CDH18: variants seen among roughly 807,000 people sequenced by gnomAD.
CDH18 encodes the protein cadherin 18.
CDH18 carries 31 observed loss-of-function variants against 67.9 expected under a neutral mutation model. The ratio of observed to expected loss-of-function variants is 0.46; its 90% CI spans 0.34 to 0.62. CDH18 has a LOEUF of 0.62. Ranked by LOEUF, CDH18 falls within the 20% of genes least tolerant of loss-of-function variation. CDH18 has a pLI of 0.01. For synonymous variants in CDH18, 362 were observed against 347.2 expected, an observed-to-expected ratio of 1.04 and a Z score of -0.48; for missense variants, 890 against 975.5, an observed-to-expected ratio of 0.91 and a Z score of 1.17.
chr5:20,039,288 C>T (rs1274431801), intron 2 of CDH18, among the ~76,000 whole-genome samples: 1 of 152,044 alleles, frequency 6.6e-6, no homozygotes, highest in Non-Finnish European at 1.5e-5. Flanking sequence ...TTTGTAGATA[C>T]AATGCTATCC....
intron 2 of CDH18, among the ~76,000 whole-genome samples, chr5:20,161,259 C>T (rs1226650911): frequency 6.6e-6 from 1 of 152,218 alleles, no homozygotes; most frequent in East Asian, 1.9e-4. Context: ...GATGCCAACA[C>T]AGTCAACTTG....
intron 2 of CDH18, among the ~76,000 whole-genome samples, chr5:19,963,878 G>T (rs116422394): frequency 0.01 from 1,580 of 152,112 alleles, 30 homozygotes; most frequent in African/African-American, 0.036. Flanking sequence ...AAGGTGGCCA[G>T]ATCAAAAGAG....
intron 2 of CDH18, among the ~76,000 whole-genome samples, chr5:20,192,168 T>C (rs1738594857): frequency 6.6e-6 from 1 of 152,058 alleles, no homozygotes; most frequent in African/African-American, 2.4e-5. Flanking sequence ...TTTTGAGAAG[T>C]GTTTGTTCAT....
chr5:19,979,702 A>G (rs1404678283), intron 2 of CDH18, among the ~76,000 whole-genome samples: 2 of 152,214 alleles, frequency 1.3e-5, no homozygotes, highest in Non-Finnish European at 2.9e-5. Flanking sequence ...GAAGATAAAA[A>G]TACGTTGACT....
At chr5:19,673,691 T>G (rs1023093902) in intron 5 of CDH18, among the ~76,000 whole-genome samples, 2 of 152,096 alleles carry the variant, frequency 1.3e-5, no homozygotes, top group African/African-American at 4.8e-5. Context: ...TTCAAAAGCA[T>G]ATCATATTTT....
intron 2 of CDH18, among the ~76,000 whole-genome samples, chr5:19,965,410 T>A (rs1443304591): frequency 5.3e-5 from 8 of 152,190 alleles, no homozygotes; most frequent in Admixed American, 5.2e-4. Context: ...CTTTGCTGTA[T>A]TCAATGTTTT....
chr5:19,546,470 G>A (rs1736330482), intron 8 of CDH18, among the ~76,000 whole-genome samples: 1 of 152,130 alleles, frequency 6.6e-6, no homozygotes, highest in South Asian at 2.1e-4. Flanking sequence ...ATTGGATTCC[G>A]GGGAACAGAT....
chr5:20,557,039 AG>A (rs892358745), intron 1 of CDH18, among the ~76,000 whole-genome samples: 17 of 152,160 alleles, frequency 1.1e-4, no homozygotes, highest in Non-Finnish European at 5.9e-5. Flanking sequence ...GTTCTTGGAA[AG>A]TCTCAAATTA....
At chr5:20,542,386 A>G (rs1183637639) in intron 1 of CDH18, among the ~76,000 whole-genome samples, 1 of 151,470 alleles carries the variant, frequency 6.6e-6, no homozygotes, top group Non-Finnish European at 1.5e-5. Context: ...CATCCCCATC[A>G]TGGTCTTGTG....
intron 10 of CDH18, among the ~76,000 whole-genome samples, chr5:19,513,459 A>T (rs1745438731): frequency 1.3e-5 from 2 of 151,752 alleles, no homozygotes; most frequent in Admixed American, 1.3e-4. Flanking sequence ...CATTTGTTCT[A>T]TTTCTCTCTT....
chr5:19,582,942 G>A (rs1353246234), intron 7 of CDH18, among the ~76,000 whole-genome samples: 1 of 151,872 alleles, frequency 6.6e-6, no homozygotes, highest in African/African-American at 2.4e-5. Context: ...TAGTATGGTT[G>A]TAGCGGAACA....
chr5:20,429,257 A>T (rs1748558002), intron 1 of CDH18, among the ~76,000 whole-genome samples: 1 of 152,118 alleles, frequency 6.6e-6, no homozygotes, highest in South Asian at 2.1e-4. Context: ...ATTCAACTGA[A>T]GGAGATGGGG....
intron 1 of CDH18, among the ~76,000 whole-genome samples, chr5:20,271,784 C>A (rs115945315): frequency 0.014 from 2,122 of 152,098 alleles, 59 homozygotes; most frequent in African/African-American, 0.049. Context: ...AAATAAATTT[C>A]TGTTGTGTAA....
rs770884880 is a variant in CDH18 at position 19,544,023 on chromosome 5, A to C, written c.1254-18T>G. 6.9e-7 allele frequency: 1 copy of C among 1,458,846 alleles called. No homozygotes were observed. The highest frequency in any genetic ancestry group is 9.3e-7 in the Non-Finnish European group (1 of 1,070,344). 90.4% of individuals were successfully genotyped at this position (1,458,846 alleles called of 1,614,324 possible). The stretch of plus-strand genomic sequence containing the variant: ...TGAAGTATCTAGAGAAAAAAAGAGA[A>C]GTTTTTACTTGATGTTATAATGAAG... On this transcript the variant is annotated intron_variant, in intron 8 of 12. Coordinates refer to ENST00000382275, the MANE Select transcript of CDH18 (RefSeq NM_004934.5).
At chr5:20,326,990 C>T (rs1366209971) in intron 1 of CDH18, among the ~76,000 whole-genome samples, 1 of 152,152 alleles carries the variant, frequency 6.6e-6, no homozygotes, top group Non-Finnish European at 1.5e-5. Context: ...TGTTAAAACA[C>T]ACTGTGTTAA....
At chr5:20,231,163 A>G (rs550268421) in intron 2 of CDH18, among the ~76,000 whole-genome samples, 10 of 152,352 alleles carry the variant, frequency 6.6e-5, no homozygotes, top group African/African-American at 1.7e-4. Context: ...TCAAAATTGT[A>G]TAAGTGATAA....
chr5:20,561,977 A>G (rs570277824), intron 1 of CDH18, among the ~76,000 whole-genome samples: 5 of 152,056 alleles, frequency 3.3e-5, no homozygotes, highest in East Asian at 1.9e-4. Flanking sequence ...GCTGCCTCAC[A>G]AGTTCCAAAT....
At position 19,845,712 on chromosome 5, in the gene CDH18, TG is replaced by T. The variant is rs528864859; in HGVS notation, c.-256-6471del. ...TGTTGGGTGCATATATATTTATAATTGTTTTTTTTCTGCTGAGTTAATACAT... is the reference window on the plus strand; with the variant it reads ...TGTTGGGTGCATATATATTTATAATTTTTTTTTTCTGCTGAGTTAATACAT... On this transcript the variant is annotated intron_variant, in intron 2 of 12. Coordinates refer to ENST00000382275, the MANE Select transcript of CDH18 (RefSeq NM_004934.5). Among the ~76,000 whole-genome samples, 843 of 151,894 alleles carry T rather than the reference TG, an allele frequency of 5.5e-3. 7 individuals carry two copies. The highest frequency in any genetic ancestry group is 0.02 in the African/African-American group (812 of 41,522).
chr5:20,267,116 A>G (rs1745101205), intron 1 of CDH18, among the ~76,000 whole-genome samples: 1 of 152,216 alleles, frequency 6.6e-6, no homozygotes, highest in African/African-American at 2.4e-5. Flanking sequence ...GAAAATGTGC[A>G]GAATTTATAT....
Sources: gnomAD v4.1 joint callset for allele counts (sites outside exome capture counted in the v4.1 genomes callset) on GRCh38, gnomAD v4.1.1 for gene constraint, MANE v1.5 for transcripts, NCBI Gene and HGNC (gene_info 2026-07-23, HGNC 2026-07-21) for gene names.